The following PRORP variants were observed in gnomAD, a reference collection of about 807,000 sequenced individuals.
The protein encoded by PRORP is protein only RNase P catalytic subunit.
Under a neutral mutation model 59.4 loss-of-function variants are expected in PRORP, and 51 were observed. The ratio of observed to expected loss-of-function variants is 0.86; its 90% CI spans 0.69 to 1.08. The LOEUF (loss-of-function observed/expected upper bound fraction) is 1.08, where lower values mean the gene tolerates loss of function less well. PRORP is among the 50% of genes least tolerant of loss of function. The pLI is 0.00. For missense variants in PRORP, 646 were observed against 690.3 expected, an observed-to-expected ratio of 0.94 and a Z score of 0.72; for synonymous variants, 231 against 245.6, an observed-to-expected ratio of 0.94 and a Z score of 0.55.
chr14:35,205,870 C>G (rs1361689887), intron 5 of PRORP, among the ~76,000 whole-genome samples: 1 of 152,102 alleles, frequency 6.6e-6, no homozygotes, highest in Non-Finnish European at 1.5e-5. Context: ...GAAGTCTTCC[C>G]TAATCTCCAT....
intron 5 of PRORP, among the ~76,000 whole-genome samples, chr14:35,236,803 C>T (rs1224416092): frequency 6.6e-6 from 1 of 152,024 alleles, no homozygotes; most frequent in Non-Finnish European, 1.5e-5. Flanking sequence ...TACTGTATGT[C>T]CAAAACTGAA....
chr14:35,183,772 C>T (rs1376412278), intron 5 of PRORP, among the ~76,000 whole-genome samples: 3 of 152,152 alleles, frequency 2.0e-5, no homozygotes, highest in Admixed American at 6.6e-5. Flanking sequence ...CAGCCACTCA[C>T]CTATGCCATG....
chr14:35,227,721 A>G (rs939366578), intron 5 of PRORP, among the ~76,000 whole-genome samples: 4 of 152,314 alleles, frequency 2.6e-5, no homozygotes, highest in African/African-American at 9.6e-5. Context: ...ATAAATAGGA[A>G]TTTGGGCATA....
intron 5 of PRORP, among the ~76,000 whole-genome samples, chr14:35,193,634 A>ATTTTTTTTTTTTT (rs34186766): frequency 7.7e-6 from 1 of 129,868 alleles, no homozygotes. Flanking sequence ...TCCCGGGTGT[A>ATTTTTTTTTTTTT]TTTTTTTTTT....
chr14:35,162,235 G>A (rs894387554), intron 4 of PRORP, among the ~76,000 whole-genome samples: 1 of 152,054 alleles, frequency 6.6e-6, no homozygotes, highest in Non-Finnish European at 1.5e-5. Context: ...ATATAAGATA[G>A]ATTCCCACAA....
chr14:35,147,471 T>G (rs2047640223), intron 4 of PRORP, among the ~76,000 whole-genome samples: 1 of 151,992 alleles, frequency 6.6e-6, no homozygotes, highest in African/African-American at 2.4e-5. Context: ...GCCTCCTGAG[T>G]AGCTACAACT....
At chr14:35,212,019 G>A (rs573200915) in intron 5 of PRORP, among the ~76,000 whole-genome samples, 5 of 152,210 alleles carry the variant, frequency 3.3e-5, no homozygotes, top group Admixed American at 1.3e-4. Flanking sequence ...TTTCAACAAC[G>A]TTCACAGCAT....
intron 4 of PRORP, among the ~76,000 whole-genome samples, chr14:35,129,042 CA>C (rs58337817): frequency 4.8e-3 from 557 of 116,570 alleles, no homozygotes; most frequent in East Asian, 7.4e-3. Flanking sequence ...ACTAAAAATA[CA>C]AAAAAAAAAA....
At chr14:35,264,375 G>A (rs2050984164) in intron 5 of PRORP, among the ~76,000 whole-genome samples, 1 of 151,730 alleles carries the variant, frequency 6.6e-6, no homozygotes, top group South Asian at 2.1e-4. Flanking sequence ...GCCCACCTTG[G>A]CCTCCCAAGG....
intron 5 of PRORP, among the ~76,000 whole-genome samples, chr14:35,200,726 T>C (rs189481506): frequency 2.0e-4 from 30 of 151,940 alleles, no homozygotes; most frequent in African/African-American, 7.2e-4. Context: ...TTAGAAAAGT[T>C]ATAAATTTAT....
At chr14:35,236,228 G>A (rs1041274974) in intron 5 of PRORP, among the ~76,000 whole-genome samples, 7 of 151,702 alleles carry the variant, frequency 4.6e-5, no homozygotes, top group African/African-American at 9.7e-5. Context: ...GTTCTTTCCC[G>A]TGTAACACAC....
Position 35,123,914 on chromosome 14 carries a change from A to T in PRORP, c.669A>T (p.Ser223=), listed in dbSNP as rs998037721. 2.0e-5 allele frequency: 32 copies of T among 1,614,020 alleles called. No individual in the cohort carries two copies. Among genetic ancestry groups the T allele is most frequent in the Non-Finnish European group, 2.7e-5 (32 of 1,179,978 alleles). Residue 223 remains serine (S), a synonymous_variant, in exon 2 of 8, where the codon TCA becomes TCT. Coordinates refer to ENST00000534898, the MANE Select transcript of PRORP (RefSeq NM_014672.4). ...TTCTCATCCGGGGATTGATCCATTC[A>T]GACAGATGGAGAGAAGCATTGTTGC... is the stretch of plus-strand genomic sequence containing the variant. ...YSLLIRGLIH[S]DRWREALLLL... is the part of the protein sequence containing the mutation.
At position 35,134,846 on chromosome 14, in the gene PRORP, A is replaced by G. The variant is rs569820227; in HGVS notation, c.1167+7235A>G. Reference sequence around the variant, plus strand: ...CTGGCTCTGAGCCCAGTTCACCACTAGGACTCACCTAAGAGTTGCAATCCT... The same window carrying G: ...CTGGCTCTGAGCCCAGTTCACCACTGGGACTCACCTAAGAGTTGCAATCCT... On this transcript the variant is annotated intron_variant, in intron 4 of 7. Coordinates refer to ENST00000534898, the MANE Select transcript of PRORP (RefSeq NM_014672.4). Among the ~76,000 whole-genome samples, 5 of 152,286 alleles carry G rather than the reference A, an allele frequency of 3.3e-5. No homozygotes were observed. The East Asian group carries it at 7.7e-4, about 24-fold the overall frequency.
chr14:35,250,483 A>T (rs2050587934), intron 5 of PRORP, among the ~76,000 whole-genome samples: 1 of 152,172 alleles, frequency 6.6e-6, no homozygotes, highest in Admixed American at 6.5e-5. Context: ...TTACACATAG[A>T]ATAATAAGAT....
intron 4 of PRORP, among the ~76,000 whole-genome samples, chr14:35,153,577 T>C (rs149605792): frequency 3.9e-5 from 6 of 152,328 alleles, no homozygotes; most frequent in African/African-American, 7.2e-5. Context: ...TTCATTAAGC[T>C]TCCCTGTGTT....
chr14:35,210,750 CTTTTTTTTTTTTT>C (rs71435870), intron 5 of PRORP, among the ~76,000 whole-genome samples: 7 of 34,084 alleles, frequency 2.1e-4, no homozygotes, highest in East Asian at 1.2e-3. Flanking sequence ...TTTCTTTTGC[CTTTTTTTTTTTTT>C]TTTTTTTTTT....
intron 5 of PRORP, among the ~76,000 whole-genome samples, chr14:35,255,214 G>T (rs917866524): frequency 6.6e-6 from 1 of 152,120 alleles, no homozygotes; most frequent in African/African-American, 2.4e-5. Flanking sequence ...TGCAACCTCT[G>T]TCTCCTGGGT....
intron 2 of PRORP, 140 bp downstream of exon 2, chr14:35,124,371 G>A: frequency 2.1e-6 from 1 of 484,832 alleles, no homozygotes; most frequent in Non-Finnish European, 3.5e-6. Flanking sequence ...GGCCTCAAGT[G>A]ATCCTCTCGC....
chr14:35,160,668 C>A (rs1205502992), intron 4 of PRORP, among the ~76,000 whole-genome samples: 2 of 152,138 alleles, frequency 1.3e-5, no homozygotes, highest in Non-Finnish European at 2.9e-5. Flanking sequence ...GCTCATTCAA[C>A]TCAATGAAGT....
Sources: gnomAD v4.1 joint callset for allele counts (sites outside exome capture counted in the v4.1 genomes callset) on GRCh38, gnomAD v4.1.1 for gene constraint, MANE v1.5 for transcripts, NCBI Gene and HGNC (gene_info 2026-07-23, HGNC 2026-07-21) for gene names.